Variants in RBM47 observed in about 807,000 individuals in gnomAD.
The protein encoded by RBM47 is RNA-binding protein 47.
Under a neutral mutation model 47.1 loss-of-function variants are expected in RBM47, and 21 were observed. The ratio of observed to expected loss-of-function variants is 0.45; its 90% CI spans 0.32 to 0.64. The LOEUF (loss-of-function observed/expected upper bound fraction) is 0.64, where lower values mean the gene tolerates loss of function less well. Ranked by LOEUF, RBM47 falls within the 30% of genes least tolerant of loss-of-function variation. RBM47 has a pLI of 0.05. For missense variants in RBM47, 708 were observed against 870.9 expected, an observed-to-expected ratio of 0.81 and a Z score of 2.35; for synonymous variants, 375 against 361.7, an observed-to-expected ratio of 1.04 and a Z score of -0.42.
chr4:40,549,194 C>T (rs531544534), intron 1 of RBM47, among the ~76,000 whole-genome samples: 3 of 151,290 alleles, frequency 2.0e-5, no homozygotes, highest in African/African-American at 7.3e-5. Flanking sequence ...TGGGTTCAAG[C>T]GATTCTCCTG....
chr4:40,433,855 A>G (rs1216615334), intron 5 of RBM47, among the ~76,000 whole-genome samples: 5 of 152,224 alleles, frequency 3.3e-5, no homozygotes, highest in African/African-American at 1.2e-4. Context: ...GGACCTCCCA[A>G]TTCAAAGAAT....
chr4:40,557,297 A>G (rs1730191278), intron 1 of RBM47, among the ~76,000 whole-genome samples: 1 of 152,276 alleles, frequency 6.6e-6, no homozygotes, highest in South Asian at 2.1e-4. Flanking sequence ...TTGAGCAGTC[A>G]TCGTGGGTTC....
intron 2 of RBM47, among the ~76,000 whole-genome samples, chr4:40,526,410 T>C (rs11737664): frequency 0.27 from 40,698 of 149,530 alleles, 5,934 homozygotes; most frequent in African/African-American, 0.39. Flanking sequence ...CAGAAAACGA[T>C]TGGCCTTAAA....
At chr4:40,519,009 C>G (rs923435483) in intron 2 of RBM47, among the ~76,000 whole-genome samples, 1 of 151,110 alleles carries the variant, frequency 6.6e-6, no homozygotes, top group Non-Finnish European at 1.5e-5. Context: ...GCCTAGGCAA[C>G]ATAGTGAGAC....
intron 1 of RBM47, among the ~76,000 whole-genome samples, chr4:40,601,492 C>A (rs137948293): frequency 6.6e-6 from 1 of 152,130 alleles, no homozygotes; most frequent in Non-Finnish European, 1.5e-5. Flanking sequence ...CTGAACGCAA[C>A]GGAAAAGATT....
intron 1 of RBM47, among the ~76,000 whole-genome samples, chr4:40,618,808 C>CAA (rs35543412): frequency 0.33 from 8,968 of 27,528 alleles, 1,645 homozygotes; most frequent in Non-Finnish European, 0.44. Context: ...GACTCCATCT[C>CAA]AAAAAAAAAA....
intron 2 of RBM47, among the ~76,000 whole-genome samples, chr4:40,519,027 TCTATAAAAAAAAAA>T (rs1166111281): frequency 6.8e-6 from 1 of 146,948 alleles, no homozygotes; most frequent in African/African-American, 2.5e-5. Context: ...GACCCTTGTT[TCTATAAAAAAAAAA>T]ATATAAAAAA....
intron 2 of RBM47, among the ~76,000 whole-genome samples, chr4:40,481,480 ATTATTATTT>A (rs1172096082): frequency 0.014 from 1,618 of 114,012 alleles, 14 homozygotes; most frequent in South Asian, 0.026. Context: ...TATTATTATT[ATTATTATTT>A]TTATTTTTAT....
At chr4:40,558,645 T>C (rs1052925318) in intron 1 of RBM47, among the ~76,000 whole-genome samples, 5 of 151,358 alleles carry the variant, frequency 3.3e-5, no homozygotes, top group African/African-American at 1.2e-4. Context: ...CTGGCCAACA[T>C]GGTGAAACCC....
At chr4:40,582,754 T>C (rs1733077731) in intron 1 of RBM47, among the ~76,000 whole-genome samples, 2 of 152,142 alleles carry the variant, frequency 1.3e-5, no homozygotes, top group Admixed American at 1.3e-4. Context: ...ACCTGTTTCT[T>C]CTTCAACCTT....
intron 2 of RBM47, among the ~76,000 whole-genome samples, chr4:40,541,198 C>T (rs6811218): frequency 0.088 from 13,109 of 149,284 alleles, 1,039 homozygotes; most frequent in African/African-American, 0.21. Context: ...CCCAGGAGTT[C>T]GAGGCTGCAG....
At position 40,615,125 on chromosome 4, in the gene RBM47, C is replaced by CA. The variant is rs529502225; in HGVS notation, c.-240+14270dup. Among the ~76,000 whole-genome samples the CA allele has an allele frequency of 3.0e-4, 45 of 151,122 alleles. No homozygotes were observed. The East Asian group carries it at 3.7e-3, about 12-fold the overall frequency. On this transcript the variant is annotated intron_variant, in intron 1 of 6. Coordinates refer to ENST00000295971, the MANE Select transcript of RBM47 (RefSeq NM_001098634.2). ...TGAGCAACAGAGCAAAACCCTGTCT[C>CA]AAAAAAATAATAATAATAAAAATAA... is the stretch of plus-strand genomic sequence containing the variant.
At chr4:40,573,783 AAG>A (rs1198438346) in intron 1 of RBM47, among the ~76,000 whole-genome samples, 76 of 126,278 alleles carry the variant, frequency 6.0e-4, no homozygotes, top group African/African-American at 1.8e-3. Context: ...GAAAGAAAGA[AAG>A]AGAGAGAGAG....
At chr4:40,540,656 ATAAT>A (rs1205665956) in intron 2 of RBM47, among the ~76,000 whole-genome samples, 26 of 107,682 alleles carry the variant, frequency 2.4e-4, no homozygotes, top group African/African-American at 1.4e-3. Context: ...AAAAAAAATA[ATAAT>A]AATAATAATA....
At chr4:40,427,999 T>C (rs540872225) in intron 6 of RBM47, among the ~76,000 whole-genome samples, 1 of 152,206 alleles carries the variant, frequency 6.6e-6, no homozygotes, top group South Asian at 2.1e-4. Context: ...GAGACCAGCC[T>C]GGGCAACATG....
intron 6 of RBM47, among the ~76,000 whole-genome samples, chr4:40,431,092 CA>C (rs139411590): frequency 2.0e-5 from 3 of 151,740 alleles, no homozygotes; most frequent in African/African-American, 7.3e-5. Context: ...AATCAAAAAT[CA>C]AAAAAAGTGG....
rs539259811 is a variant in RBM47, at chr4:40,547,365, G to A, written c.-239-2859C>T. Reference sequence around the variant, plus strand: ...AATATAACCAGTGTCTTCATAAGAAGAGGAAATTCAGACACAGACAACACA... The same window carrying A: ...AATATAACCAGTGTCTTCATAAGAAAAGGAAATTCAGACACAGACAACACA... On this transcript the variant is annotated intron_variant, in intron 1 of 6. Coordinates refer to ENST00000295971, the MANE Select transcript of RBM47 (RefSeq NM_001098634.2). Among the ~76,000 whole-genome samples the A allele has an allele frequency of 3.4e-3, 520 of 152,324 alleles. 2 individuals are homozygous for A. The highest frequency in any genetic ancestry group is 0.012 in the African/African-American group (503 of 41,580).
chr4:40,471,423 C>T lies in RBM47; in HGVS notation c.-154-4724G>A, dbSNP rs536406030. 3.9e-5 allele frequency among the ~76,000 whole-genome samples: 6 copies of T among 152,110 alleles called. No homozygotes were observed. In the South Asian group the frequency reaches 6.2e-4, roughly 16 times the overall value. On this transcript the variant is annotated intron_variant, in intron 2 of 6. Transcript: ENST00000295971. ...TTAAAAAATATACAATTTGGTCAGG[C>T]GCAGTGGCTCACGCCTGTAATCCCA...
intron 2 of RBM47, among the ~76,000 whole-genome samples, chr4:40,470,203 A>C (rs990840860): frequency 6.6e-6 from 1 of 152,000 alleles, no homozygotes; most frequent in African/African-American, 2.4e-5. Context: ...TAATGGCGTT[A>C]ATTCATTCCA....
Sources: gnomAD v4.1 joint callset for allele counts (sites outside exome capture counted in the v4.1 genomes callset) on GRCh38, gnomAD v4.1.1 for gene constraint, MANE v1.5 for transcripts, NCBI Gene and HGNC (gene_info 2026-07-23, HGNC 2026-07-21) for gene names.